Variants in PIP5K1A observed in about 807,000 individuals in gnomAD.
The protein encoded by PIP5K1A is phosphatidylinositol-4-phosphate 5-kinase type 1 alpha, also known as phosphatidylinositol 4-phosphate 5-kinase type-1 alpha.
In PIP5K1A, 46 loss-of-function variants were observed where a neutral mutation model predicts 72.9. The ratio of observed to expected loss-of-function variants is 0.63; its 90% CI spans 0.50 to 0.81. The LOEUF is 0.81. PIP5K1A is among the 30% of genes least tolerant of loss of function. PIP5K1A has a pLI of 0.00. For missense variants in PIP5K1A, 458 were observed against 706.1 expected, an observed-to-expected ratio of 0.65 and a Z score of 3.98; for synonymous variants, 228 against 255.1, an observed-to-expected ratio of 0.89 and a Z score of 1.01.
At chr1:151,195,811 G>A (rs767492290), upstream of PIP5K1A, among the ~76,000 whole-genome samples, 2 of 148,670 alleles carry the variant, frequency 1.3e-5, no homozygotes, top group East Asian at 4.0e-4. Flanking sequence ...GTTTGACTGC[G>A]TTGGTCATTC....
chr1:151,214,172 G>A (rs192988579), intron 1 of PIP5K1A, among the ~76,000 whole-genome samples: 2 of 152,042 alleles, frequency 1.3e-5, no homozygotes, highest in East Asian at 3.9e-4. Flanking sequence ...GTTCCCTATT[G>A]TTCACTTAGA....
At position 151,249,217 on chromosome 1, in the gene PIP5K1A, T is replaced by C. The variant is rs1385917976; in HGVS notation, c.*1352T>C. ...AGCCCATACCCCAAATAACTGTCTA[T>C]ATTAGACACCCCCAGCCAGTTTCTG... is the stretch of plus-strand genomic sequence containing the variant. On this transcript the variant is annotated 3_prime_UTR_variant, in exon 16 of 16. Transcript: ENST00000368888. 5 of 152,158 alleles carry C rather than the reference T, an allele frequency of 3.3e-5. No homozygotes were observed. The highest frequency in any genetic ancestry group is 4.8e-5 in the African/African-American group (2 of 41,428). 9.4% of individuals were successfully genotyped at this position (152,158 alleles called of 1,614,324 possible).
At chr1:151,206,945 C>T (rs1686021489) in intron 1 of PIP5K1A, among the ~76,000 whole-genome samples, 1 of 152,210 alleles carries the variant, frequency 6.6e-6, no homozygotes, top group South Asian at 2.1e-4. Flanking sequence ...GCGACCCTCA[C>T]TGCAACCTTC....
Position 151,247,879 on chromosome 1 carries a change from G to T in PIP5K1A, c.*14G>T. ...CCTTTTCAGTAAGCGCAAAGCCTCA[G>T]AAGACCTGGAACAAGATTCTGCCAT... is the stretch of plus-strand genomic sequence containing the variant. On this transcript the variant is annotated 3_prime_UTR_variant, in exon 16 of 16. Coordinates refer to ENST00000368888, the MANE Select transcript of PIP5K1A (RefSeq NM_001135638.2). 6.2e-7 allele frequency: 1 copy of T among 1,609,212 alleles called. No individual in the cohort carries two copies. The highest frequency in any genetic ancestry group is 2.2e-5 in the East Asian group (1 of 44,834).
intron 14 of PIP5K1A, among the ~76,000 whole-genome samples, chr1:151,243,759 T>C (rs112127054): frequency 6.6e-6 from 1 of 152,324 alleles, no homozygotes; most frequent in Non-Finnish European, 1.5e-5. Context: ...CTGTCCTTTT[T>C]GATCCAAGAT....
intron 1 of PIP5K1A, among the ~76,000 whole-genome samples, chr1:151,205,068 G>C (rs749813607): frequency 2.0e-5 from 3 of 152,142 alleles, no homozygotes; most frequent in Non-Finnish European, 4.4e-5. Flanking sequence ...GGAAACTATA[G>C]CCTGTGAAGT....
rs587753207 is a variant in PIP5K1A, at chr1:151,241,421, A to G, written c.1364-702A>G. On this transcript the variant is annotated intron_variant, in intron 12 of 15. Transcript: ENST00000368888. Reference sequence around the variant, plus strand: ...TGGGAGGCTGAGGCAGGAGAATGGCATGAACCCGGGAGGCGGAGCTTGCAG... The same window carrying G: ...TGGGAGGCTGAGGCAGGAGAATGGCGTGAACCCGGGAGGCGGAGCTTGCAG... Among the ~76,000 whole-genome samples, 409 of 151,464 alleles carry G rather than the reference A, an allele frequency of 2.7e-3. 1 individual carries two copies. The highest frequency in any genetic ancestry group is 3.3e-3 in the Non-Finnish European group (227 of 67,820).
intron 8 of PIP5K1A, among the ~76,000 whole-genome samples, chr1:151,235,722 T>G (rs1558288367): frequency 6.6e-6 from 1 of 152,228 alleles, no homozygotes; most frequent in South Asian, 2.1e-4. Context: ...TAGTGTTCTC[T>G]TCATGGAGAC....
At position 151,199,026 on chromosome 1, in the gene PIP5K1A, T is replaced by G; in HGVS notation, c.30T>G (p.Ser10=). The change falls in exon 1 of 16, where the codon TCT becomes TCG. Residue 10 remains serine (S), a synonymous_variant. Transcript: ENST00000368888. Reference sequence around the variant, plus strand: ...CGTCGGCCTCCTCCGGGCCGTCGTCTTCGGTCGGTTTTTCATCCTTTGATC... The same window carrying G: ...CGTCGGCCTCCTCCGGGCCGTCGTCGTCGGTCGGTTTTTCATCCTTTGATC... MASASSGPS[S]SVGFSSFDPA... 1 of 1,614,180 alleles carries G rather than the reference T, an allele frequency of 6.2e-7. No individual in the cohort carries two copies. Among genetic ancestry groups the G allele is most frequent in the African/African-American group, 1.3e-5 (1 of 75,074 alleles).
intron 1 of PIP5K1A, among the ~76,000 whole-genome samples, chr1:151,210,099 G>T (rs1686580662): frequency 6.6e-6 from 1 of 151,770 alleles, no homozygotes; most frequent in Admixed American, 6.6e-5. Context: ...AGCCAGGTTG[G>T]TCTCGAACTC....
chr1:151,232,734 G>T, intron 7 of PIP5K1A, 31 bp downstream of exon 7: 1 of 1,601,896 alleles, frequency 6.2e-7, no homozygotes. Flanking sequence ...GTCCACCTGT[G>T]CTGCTCACTT....
In PIP5K1A at chr1:151,238,796, A is replaced by G. The variant is rs587710829; in HGVS notation, c.1230-334A>G. 9.2e-5 allele frequency among the ~76,000 whole-genome samples: 14 copies of G among 152,320 alleles called. No individual in the cohort carries two copies. The East Asian group carries it at 2.7e-3, about 29-fold the overall frequency. ...GTACTTGATTTGTTGGTTCAGTATTATCATCCAGTTTTAACTACCCTTTCC... is the reference window on the plus strand; with the variant it reads ...GTACTTGATTTGTTGGTTCAGTATTGTCATCCAGTTTTAACTACCCTTTCC... On this transcript the variant is annotated intron_variant, in intron 10 of 15. Coordinates refer to ENST00000368888, the MANE Select transcript of PIP5K1A (RefSeq NM_001135638.2).
chr1:151,211,805 CAAAAA>C (rs1458208860), intron 1 of PIP5K1A, among the ~76,000 whole-genome samples: 3 of 138,094 alleles, frequency 2.2e-5, no homozygotes, highest in Admixed American at 7.6e-5. Context: ...GAGTCTGTCT[CAAAAA>C]AGAAAAAAAA....
chr1:151,244,179 GAA>G (rs587631659), intron 14 of PIP5K1A, among the ~76,000 whole-genome samples: 14 of 104,020 alleles, frequency 1.3e-4, no homozygotes, highest in Middle Eastern at 4.2e-3. Flanking sequence ...AAAAAATACT[GAA>G]AAAAAAAAAA....
intron 1 of PIP5K1A, among the ~76,000 whole-genome samples, chr1:151,222,786 C>G (rs767751343): frequency 6.6e-6 from 1 of 152,154 alleles, no homozygotes; most frequent in Admixed American, 6.6e-5. Context: ...GTTGCACAAG[C>G]ATGTGGGTAT....
chr1:151,238,993 G>A, intron 10 of PIP5K1A, 137 bp from the exon 11 acceptor site: 5 of 627,284 alleles, frequency 8.0e-6, no homozygotes, highest in Non-Finnish European at 1.4e-5. Flanking sequence ...GGGAAAACCA[G>A]TGTACCAGTA....
At chr1:151,203,822 CAAAAAAA>C (rs587774732) in intron 1 of PIP5K1A, among the ~76,000 whole-genome samples, 20 of 83,600 alleles carry the variant, frequency 2.4e-4, no homozygotes, top group African/African-American at 3.7e-4. Flanking sequence ...GACTCTGTCT[CAAAAAAA>C]AAAAAAAGAA....
intron 1 of PIP5K1A, among the ~76,000 whole-genome samples, chr1:151,220,195 G>A (rs1249689601): frequency 4.6e-5 from 7 of 151,702 alleles, no homozygotes; most frequent in South Asian, 2.1e-4. Context: ...TAGTAGAGAC[G>A]GGGTTTCACC....
At chr1:151,212,988 T>G (rs949734014) in intron 1 of PIP5K1A, among the ~76,000 whole-genome samples, 17 of 150,936 alleles carry the variant, frequency 1.1e-4, no homozygotes, top group Non-Finnish European at 2.5e-4. Flanking sequence ...CCTCCTGGGT[T>G]CATGCCATTC....
Sources: gnomAD v4.1 joint callset for allele counts (sites outside exome capture counted in the v4.1 genomes callset) on GRCh38, gnomAD v4.1.1 for gene constraint, MANE v1.5 for transcripts, NCBI Gene and HGNC (gene_info 2026-07-23, HGNC 2026-07-21) for gene names.